WNT7A: variants seen among roughly 807,000 people sequenced by gnomAD.
The protein encoded by WNT7A is Wnt family member 7A, also known as protein Wnt-7a.
Under a neutral mutation model 28.2 loss-of-function variants are expected in WNT7A, and 16 were observed. That is an observed-to-expected ratio of 0.57 (90% CI 0.38 to 0.86). WNT7A has a LOEUF of 0.86. Among genes scored for constraint, WNT7A ranks in the 40% least tolerant of loss-of-function variants. WNT7A has a pLI of 0.00. For missense variants in WNT7A, 411 were observed against 489.7 expected (o/e 0.84, Z 1.52); for synonymous variants, 190 against 195.9 (o/e 0.97, Z 0.25).
chr3:13,878,821 GC>G (rs1487740975), intron 1 of WNT7A, among the ~76,000 whole-genome samples: 3 of 151,852 alleles, frequency 2.0e-5, no homozygotes, highest in Non-Finnish European at 2.9e-5. Flanking sequence ...AGATCCCCCC[GC>G]CCCCACACCG....
intron 1 of WNT7A, among the ~76,000 whole-genome samples, chr3:13,876,262 A>G (rs1695108523): frequency 6.6e-6 from 1 of 152,248 alleles, no homozygotes; most frequent in Non-Finnish European, 1.5e-5. Flanking sequence ...CAAGGAATAG[A>G]AAGAACCCAT....
intron 3 of WNT7A, among the ~76,000 whole-genome samples, chr3:13,838,098 G>A (rs11922894): frequency 0.012 from 1,876 of 152,298 alleles, 21 homozygotes; most frequent in African/African-American, 0.023. Context: ...ATCTCTATGC[G>A]TCTGCAGTTC....
chr3:13,821,268 C>T (rs904700064), intron 3 of WNT7A, among the ~76,000 whole-genome samples: 2 of 152,200 alleles, frequency 1.3e-5, no homozygotes, highest in African/African-American at 2.4e-5. Context: ...TGGATTCTGA[C>T]AATACTGAGT....
In WNT7A at chr3:13,879,732, C is replaced by T. The variant is rs756904443; in HGVS notation, c.71+14G>A. ...TGTCGAAACACGCGCGGAAAGGGCG[C>T]AGGCAGCCCTTACCCGATCCGGAGG... is the stretch of plus-strand genomic sequence containing the variant. On this transcript the variant is annotated intron_variant, in intron 1 of 3. Coordinates refer to ENST00000285018, the MANE Select transcript of WNT7A (RefSeq NM_004625.4). 3.1e-6 allele frequency: 5 copies of T among 1,610,834 alleles called. No homozygotes were observed. The Admixed American group carries it at 6.7e-5, about 22-fold the overall frequency.
chr3:13,878,870 T>C (rs916350585), intron 1 of WNT7A, among the ~76,000 whole-genome samples: 1 of 151,790 alleles, frequency 6.6e-6, no homozygotes, highest in Non-Finnish European at 1.5e-5. Context: ...GTACAAAGGG[T>C]GACCGGCTTT....
chr3:13,843,767 G>C (rs1470818178), intron 3 of WNT7A, among the ~76,000 whole-genome samples: 1 of 149,144 alleles, frequency 6.7e-6, no homozygotes, highest in African/African-American at 2.5e-5. Context: ...TTTCCCCTGA[G>C]ATGGAGTCTC....
intron 3 of WNT7A, among the ~76,000 whole-genome samples, chr3:13,831,444 G>T (rs1694278654): frequency 6.6e-6 from 1 of 152,214 alleles, no homozygotes; most frequent in African/African-American, 2.4e-5. Flanking sequence ...TGGCTGTAGA[G>T]CTGTAATGTG....
rs148744356 is a variant in WNT7A, at chr3:13,840,696, G to A, written c.570+13836C>T. 4.2e-3 allele frequency among the ~76,000 whole-genome samples: 640 copies of A among 151,724 alleles called. 3 individuals carry two copies. Among genetic ancestry groups the A allele is most frequent in the Middle Eastern group, 6.8e-3 (2 of 294 alleles). On this transcript the variant is annotated intron_variant, in intron 3 of 3. Coordinates refer to ENST00000285018, the MANE Select transcript of WNT7A (RefSeq NM_004625.4). ...TCCAACCATCTTCTAAGATCTGTCCGTTTAACCATCCATCCATCTATTCAT... is the reference window on the plus strand; with the variant it reads ...TCCAACCATCTTCTAAGATCTGTCCATTTAACCATCCATCCATCTATTCAT...
chr3:13,879,056 T>A (rs960504510), intron 1 of WNT7A, among the ~76,000 whole-genome samples: 3 of 152,158 alleles, frequency 2.0e-5, no homozygotes, highest in African/African-American at 4.8e-5. Context: ...CTAGCGCTTG[T>A]CTCCCTCTGT....
intron 3 of WNT7A, among the ~76,000 whole-genome samples, chr3:13,835,611 G>A (rs1356240827): frequency 2.6e-5 from 4 of 152,240 alleles, no homozygotes; most frequent in Admixed American, 2.6e-4. Flanking sequence ...AGAGACCTGG[G>A]CTCTGTCAGG....
chr3:13,855,784 C>T (rs79885616), intron 2 of WNT7A, among the ~76,000 whole-genome samples: 13,803 of 152,230 alleles, frequency 0.091, 824 homozygotes, highest in Non-Finnish European at 0.13. Flanking sequence ...GGCAAGTTCA[C>T]TCTCATGTAG....
At chr3:13,879,493 C>T (rs1695173048) in intron 1 of WNT7A, among the ~76,000 whole-genome samples, 2 of 152,096 alleles carry the variant, frequency 1.3e-5, no homozygotes, top group African/African-American at 4.8e-5. Flanking sequence ...GCTGGAGCGT[C>T]CCTACCGGCT....
At chr3:13,865,632 G>A (rs780181459) in intron 2 of WNT7A, among the ~76,000 whole-genome samples, 26 of 152,214 alleles carry the variant, frequency 1.7e-4, no homozygotes, top group Non-Finnish European at 3.5e-4. Context: ...CACCTGCTGT[G>A]CATGAGGTGC....
intron 2 of WNT7A, among the ~76,000 whole-genome samples, chr3:13,857,032 A>G (rs1357338146): frequency 6.6e-6 from 1 of 152,026 alleles, no homozygotes; most frequent in Non-Finnish European, 1.5e-5. Context: ...TGAGTAACAC[A>G]CGCCCATCAG....
At chr3:13,873,346 A>C (rs534137581) in intron 2 of WNT7A, among the ~76,000 whole-genome samples, 17 of 152,044 alleles carry the variant, frequency 1.1e-4, no homozygotes, top group Admixed American at 8.5e-4. Context: ...ATTTGTCACC[A>C]GGTGTCATTT....
At chr3:13,854,918 G>T (rs992028620) in intron 2 of WNT7A, 115 bp from the exon 3 acceptor site, 2 of 1,397,808 alleles carry the variant, frequency 1.4e-6, no homozygotes, top group South Asian at 1.2e-5. Flanking sequence ...TCCAAAGCTC[G>T]ACTGAGTACC....
At chr3:13,840,798 T>C (rs1274639465) in intron 3 of WNT7A, among the ~76,000 whole-genome samples, 1 of 152,056 alleles carries the variant, frequency 6.6e-6, no homozygotes, top group Admixed American at 6.6e-5. Context: ...TATCCATTTG[T>C]GCATGCATGC....
At chr3:13,845,490 T>C (rs555989192) in intron 3 of WNT7A, among the ~76,000 whole-genome samples, 91 of 152,380 alleles carry the variant, frequency 6.0e-4, no homozygotes, top group African/African-American at 2.1e-3. Context: ...AGTGCAGCTA[T>C]AAGCAGTTTA....
At chr3:13,842,629 A>C (rs1694481489) in intron 3 of WNT7A, among the ~76,000 whole-genome samples, 2 of 152,230 alleles carry the variant, frequency 1.3e-5, no homozygotes, top group Non-Finnish European at 2.9e-5. Context: ...TGTGAAAGAA[A>C]GAAAAGTGTC....
Sources: gnomAD v4.1 joint callset for allele counts (sites outside exome capture counted in the v4.1 genomes callset) on GRCh38, gnomAD v4.1.1 for gene constraint, MANE v1.5 for transcripts, NCBI Gene and HGNC (gene_info 2026-07-23, HGNC 2026-07-21) for gene names.